SMUG1: variants seen among roughly 807,000 people sequenced by gnomAD.
SMUG1 encodes the protein single-strand-selective monofunctional uracil-DNA glycosylase 1, also known as single-strand selective monofunctional uracil DNA glycosylase.
A neutral mutation model predicts 23.9 loss-of-function variants in SMUG1; 13 were observed. That is an observed-to-expected ratio of 0.54 (90% CI 0.35 to 0.86). SMUG1 has a LOEUF of 0.86. Ranked by LOEUF, SMUG1 falls within the 40% of genes least tolerant of loss-of-function variation. The pLI is 0.01. For synonymous variants in SMUG1, 133 were observed against 139.8 expected (o/e 0.95, Z 0.34); for missense variants, 313 against 339.5 (o/e 0.92, Z 0.61).
Position 54,182,165 on chromosome 12 carries a change from G to C in SMUG1, c.744C>G (p.Asn248Lys), listed in dbSNP as rs2136617134. The C allele has an allele frequency of 1.2e-6, 2 of 1,602,470 alleles. No individual in the cohort carries two copies. The highest frequency in any genetic ancestry group is 4.5e-5 in the East Asian group (2 of 44,656). ...LHPSPRNPQA[N>K]KGWEAVAKER... ...CCTTGGCCACTGCCTCCCAGCCCTT[G>C]TTGGCCTGTGGGTTACGGGGAGAGG... is the stretch of plus-strand genomic sequence containing the variant. The change falls in exon 4 of 4, where the codon AAC becomes AAG. Residue 248 changes from asparagine to lysine, a missense_variant. Coordinates refer to ENST00000682136, the MANE Select transcript of SMUG1 (RefSeq NM_001243787.2).
chr12:54,173,455 G>A (rs1940674876), intron 2 of SMUG1, among the ~76,000 whole-genome samples: 1 of 152,096 alleles, frequency 6.6e-6, no homozygotes, highest in Non-Finnish European at 1.5e-5. Context: ...CGGGGCGGGC[G>A]CAGCAGAGCG....
Position 54,183,878 on chromosome 12 carries a change from C to T in SMUG1, c.63G>A (p.Gln21=), listed in dbSNP as rs1406872732. ...HEPAGALMEP[Q]PCPGSLAESF... ...TCTCAGCCAAGCTTCCAGGGCAGGG[C>T]TGGGGCTCCATGAGGGCACCTGCAG... The change falls in exon 3 of 4, where the codon CAG becomes CAA. Residue 21 remains glutamine, a synonymous_variant. Coordinates refer to ENST00000682136, the MANE Select transcript of SMUG1 (RefSeq NM_001243787.2). 1 of 1,610,040 alleles carries T rather than the reference C, an allele frequency of 6.2e-7. No individual in the cohort carries two copies. The highest frequency in any genetic ancestry group is 1.7e-5 in the Admixed American group (1 of 59,428).
intron 4 of SMUG1, among the ~76,000 whole-genome samples, chr12:54,158,279 T>C (rs1940107889): frequency 6.6e-6 from 1 of 152,196 alleles, no homozygotes; most frequent in South Asian, 2.1e-4. Flanking sequence ...GCAATTATCA[T>C]AGCCACATCA....
intron 2 of SMUG1, among the ~76,000 whole-genome samples, chr12:54,184,879 G>T (rs189416842): frequency 3.3e-5 from 5 of 152,314 alleles, no homozygotes; most frequent in Non-Finnish European, 5.9e-5. Context: ...TTGACATAAG[G>T]AAGGCCAGGC....
At chr12:54,183,993 C>A (rs1208025475) in intron 2 of SMUG1, 34 bp from the exon 3 acceptor site, 8 of 1,449,312 alleles carry the variant, frequency 5.5e-6, no homozygotes, top group Non-Finnish European at 7.3e-6. Context: ...CCCCATCAAC[C>A]CTCAGCCACA....
At chr12:54,188,295 A>AATAATAAATAAT (rs869289712) in intron 1 of SMUG1, among the ~76,000 whole-genome samples, 23 of 68,894 alleles carry the variant, frequency 3.3e-4, no homozygotes, top group African/African-American at 6.2e-4. Context: ...TAATAATAAT[A>AATAATAAATAAT]AATAATAATA....
chr12:54,165,648 G>T (rs888327108), intron 3 of SMUG1, among the ~76,000 whole-genome samples: 3 of 151,988 alleles, frequency 2.0e-5, no homozygotes, highest in Admixed American at 2.0e-4. Context: ...CTGTAGCCTG[G>T]GCAACAGAGT....
At chr12:54,176,755 C>T (rs575131388), downstream of SMUG1, among the ~76,000 whole-genome samples, 3 of 150,568 alleles carry the variant, frequency 2.0e-5, no homozygotes, top group South Asian at 2.1e-4. Flanking sequence ...TGCAGTGAGC[C>T]GAGATCGCGC....
intron 2 of SMUG1, chr12:54,187,210 T>C (rs961867545): frequency 4.6e-5 from 7 of 152,200 alleles, no homozygotes; most frequent in Non-Finnish European, 1.0e-4. Context: ...TCCTCTCAAC[T>C]TTCTGCCTGG....
At chr12:54,177,647 C>T (rs1940789986), downstream of SMUG1, among the ~76,000 whole-genome samples, 1 of 151,516 alleles carries the variant, frequency 6.6e-6, no homozygotes, top group Non-Finnish European at 1.5e-5. Flanking sequence ...CCATTCTCTA[C>T]CACTCAGAGA....
At chr12:54,171,497 C>T (rs899960121) in intron 3 of SMUG1, among the ~76,000 whole-genome samples, 1 of 151,334 alleles carries the variant, frequency 6.6e-6, no homozygotes, top group African/African-American at 2.4e-5. Context: ...TGAGACTATC[C>T]TGGCCAACAT....
chr12:54,182,084 C>G lies in SMUG1; in HGVS notation c.*12G>C. ...GGTCTTGAATGTGTCCCATGCAAGG[C>G]CCCAAGGGCACTCATTTCAACAGCA... On this transcript the variant is annotated 3_prime_UTR_variant, in exon 4 of 4. Transcript: ENST00000682136. 1 of 1,531,338 alleles carries G rather than the reference C, an allele frequency of 6.5e-7. No homozygotes were observed. The highest frequency in any genetic ancestry group is 8.8e-7 in the Non-Finnish European group (1 of 1,139,756). 94.9% of individuals were successfully genotyped at this position (1,531,338 alleles called of 1,614,324 possible).
chr12:54,184,682 T>C (rs1941913516), intron 2 of SMUG1, among the ~76,000 whole-genome samples: 1 of 152,218 alleles, frequency 6.6e-6, no homozygotes, highest in East Asian at 1.9e-4. Flanking sequence ...TTGCCTTAGA[T>C]GGTTTGATCA....
intron 3 of SMUG1, among the ~76,000 whole-genome samples, chr12:54,167,697 C>T (rs1374913675): frequency 6.6e-6 from 1 of 152,196 alleles, no homozygotes; most frequent in African/African-American, 2.4e-5. Context: ...TTTCCTCCTA[C>T]ATCCTTCCTC....
At chr12:54,162,141 C>CA (rs1349516119), downstream of SMUG1, 1 of 153,240 alleles carries the variant, frequency 6.5e-6, no homozygotes, top group East Asian at 1.9e-4. Flanking sequence ...CCAAAGGAGT[C>CA]AGAGAAAGAG....
chr12:54,159,794 G>A (rs1447168278), downstream of SMUG1, among the ~76,000 whole-genome samples: 2 of 152,220 alleles, frequency 1.3e-5, no homozygotes, highest in African/African-American at 4.8e-5. Flanking sequence ...CAGGATGTGA[G>A]TGTGAAGGAG....
chr12:54,171,917 A>G, intron 3 of SMUG1: 1 of 343,686 alleles, frequency 2.9e-6, no homozygotes, highest in Admixed American at 3.0e-5. Context: ...TTTCTTTCAT[A>G]CGCTCTCACT....
At chr12:54,158,772 A>G (rs1326157590) in intron 4 of SMUG1, among the ~76,000 whole-genome samples, 2 of 151,980 alleles carry the variant, frequency 1.3e-5, no homozygotes, top group African/African-American at 4.8e-5. Flanking sequence ...ACTCCAGCCT[A>G]CTTCTGCAGC....
At chr12:54,172,360 G>T in intron 2 of SMUG1, 1 of 260,434 alleles carries the variant, frequency 3.8e-6, no homozygotes, top group Non-Finnish European at 8.1e-6. Context: ...TGTTCTCTTA[G>T]CCGGGAAACT....
Sources: allele counts gnomAD v4.1 joint callset (sites outside exome capture counted in the v4.1 genomes callset), GRCh38; gene constraint gnomAD v4.1.1; transcripts MANE v1.5; gene names NCBI Gene and HGNC (gene_info 2026-07-23, HGNC 2026-07-21).